Variants in XKR9 observed in about 807,000 individuals in gnomAD.
The protein encoded by XKR9 is XK related 9.
XKR9 carries 32 observed loss-of-function variants against 32.0 expected under a neutral mutation model. The ratio of observed to expected loss-of-function variants is 1.00; its 90% CI spans 0.76 to 1.34. The LOEUF is 1.34. XKR9 is among the 40% of genes most tolerant of loss of function. The pLI, the probability that XKR9 is intolerant of heterozygous loss-of-function variation, is 0.00. For missense variants in XKR9, 546 were observed against 429.7 expected (o/e 1.27, Z -2.39); for synonymous variants, 168 against 143.4 (o/e 1.17, Z -1.22).
the XKR9 span, among the ~76,000 whole-genome samples, chr8:71,028,175 T>C: frequency 6.6e-6 from 1 of 152,234 alleles, no homozygotes; most frequent in Admixed American, 6.5e-5. Flanking sequence ...TTTCACAATT[T>C]AATTATTCTA....
chr8:70,777,643 G>A (rs1199053638), intron 2 of XKR9, among the ~76,000 whole-genome samples: 9 of 152,030 alleles, frequency 5.9e-5, no homozygotes, highest in East Asian at 5.8e-4. Flanking sequence ...TTTAATGATT[G>A]CTATTCTAAC....
chr8:71,034,908 T>C, the XKR9 span, among the ~76,000 whole-genome samples: 9 of 152,326 alleles, frequency 5.9e-5, no homozygotes, highest in African/African-American at 2.2e-4. Flanking sequence ...TTCATGAATG[T>C]ATTTATCATT....
At chr8:70,895,909 G>C in the XKR9 span, among the ~76,000 whole-genome samples, 3 of 151,982 alleles carry the variant, frequency 2.0e-5, no homozygotes, top group African/African-American at 7.2e-5. Context: ...GGGCGGTGTT[G>C]AGGCAAGAGG....
intron 2 of XKR9, among the ~76,000 whole-genome samples, chr8:70,752,008 A>T (rs1563468073): frequency 6.6e-6 from 1 of 152,074 alleles, no homozygotes; most frequent in Admixed American, 6.5e-5. Context: ...TGACTAATAC[A>T]TTTGTGTAAG....
chr8:70,780,999 C>T (rs1807608070), intron 2 of XKR9: 1 of 151,930 alleles, frequency 6.6e-6, no homozygotes, highest in African/African-American at 2.4e-5. Context: ...CCACCATCAT[C>T]AGGCCAGTGA....
At chr8:70,813,376 C>A in the XKR9 span, among the ~76,000 whole-genome samples, 1 of 152,190 alleles carries the variant, frequency 6.6e-6, no homozygotes. Context: ...AGGACATAGG[C>A]ATGCGCAAGG....
chr8:70,896,821 C>T, the XKR9 span, among the ~76,000 whole-genome samples: 2 of 151,998 alleles, frequency 1.3e-5, no homozygotes, highest in African/African-American at 4.8e-5. Context: ...GTGTAATAAT[C>T]ACATCAGGGT....
intron 2 of XKR9, among the ~76,000 whole-genome samples, chr8:70,753,267 T>C (rs1306212865): frequency 6.6e-6 from 1 of 152,070 alleles, no homozygotes; most frequent in Non-Finnish European, 1.5e-5. Flanking sequence ...ATTGTGGCAA[T>C]AATCAATAGC....
intron 1 of XKR9, among the ~76,000 whole-genome samples, chr8:70,674,104 G>A (rs530305997): frequency 6.6e-6 from 1 of 152,122 alleles, no homozygotes; most frequent in Admixed American, 6.5e-5. Context: ...AGGAGTTCGA[G>A]GTTATAGTGA....
At chr8:70,916,100 A>G in the XKR9 span, among the ~76,000 whole-genome samples, 1 of 152,142 alleles carries the variant, frequency 6.6e-6, no homozygotes, top group Non-Finnish European at 1.5e-5. Context: ...ATCTCAGGCC[A>G]TTGTTCTTTG....
chr8:70,807,432 A>G, the XKR9 span, among the ~76,000 whole-genome samples: 1 of 152,206 alleles, frequency 6.6e-6, no homozygotes, highest in African/African-American at 2.4e-5. Flanking sequence ...TTAAATGTAA[A>G]TGGGCTAAAC....
At chr8:70,760,399 C>T (rs1015493172) in intron 2 of XKR9, among the ~76,000 whole-genome samples, 18 of 152,136 alleles carry the variant, frequency 1.2e-4, no homozygotes, top group African/African-American at 2.4e-4. Context: ...ACCTTAGAGT[C>T]GTCACACTGG....
At chr8:70,776,783 C>G (rs985941263) in intron 2 of XKR9, among the ~76,000 whole-genome samples, 10 of 151,732 alleles carry the variant, frequency 6.6e-5, no homozygotes, top group African/African-American at 2.4e-4. Context: ...CTCCTGCCAC[C>G]TTAAATTAAG....
At chr8:70,812,095 GATCAA>G in the XKR9 span, among the ~76,000 whole-genome samples, 3 of 152,136 alleles carry the variant, frequency 2.0e-5, no homozygotes, top group Non-Finnish European at 4.4e-5. Context: ...TATCCACCAT[GATCAA>G]GTGGGCTCCA....
At chr8:70,801,963 C>G in the XKR9 span, among the ~76,000 whole-genome samples, 2 of 146,092 alleles carry the variant, frequency 1.4e-5, no homozygotes, top group African/African-American at 2.5e-5. Context: ...GAGATGGAGT[C>G]TTGCTCTGTC....
At chr8:70,755,778 G>T (rs141675806) in intron 2 of XKR9, among the ~76,000 whole-genome samples, 1 of 128,692 alleles carries the variant, frequency 7.8e-6, no homozygotes, top group Non-Finnish European at 1.7e-5. Flanking sequence ...GGGAGGGGGG[G>T]AGGGTTAGCA....
intron 2 of XKR9, among the ~76,000 whole-genome samples, chr8:70,771,913 AAATT>A (rs1010991874): frequency 6.6e-6 from 1 of 152,228 alleles, no homozygotes; most frequent in Admixed American, 6.5e-5. Context: ...TACTTTTGAA[AAATT>A]AATTAAAATT....
At chr8:70,841,683 C>T in the XKR9 span, among the ~76,000 whole-genome samples, 3 of 152,132 alleles carry the variant, frequency 2.0e-5, no homozygotes, top group African/African-American at 4.8e-5. Context: ...GTGGAATGTT[C>T]CTTCAATTTG....
At chr8:70,998,200 CA>C in the XKR9 span, among the ~76,000 whole-genome samples, 1 of 152,192 alleles carries the variant, frequency 6.6e-6, no homozygotes, top group Non-Finnish European at 1.5e-5. Flanking sequence ...AGCCTTTTAT[CA>C]CCCGGTATAT....
Sources: gnomAD v4.1 joint callset for allele counts (sites outside exome capture counted in the v4.1 genomes callset) on GRCh38, gnomAD v4.1.1 for gene constraint, MANE v1.5 for transcripts, NCBI Gene and HGNC (gene_info 2026-07-23, HGNC 2026-07-21) for gene names.